The following ARL13A variants were observed in gnomAD, a reference collection of about 807,000 sequenced individuals.
ARL13A encodes the protein ARF like GTPase 13A, also known as ADP-ribosylation factor-like protein 13A.
ARL13A carries 16 observed loss-of-function variants against 19.1 expected under a neutral mutation model. The ratio of observed to expected loss-of-function variants is 0.84; its 90% CI spans 0.57 to 1.27. ARL13A has a LOEUF of 1.27. ARL13A is among the 50% of genes most tolerant of loss of function. ARL13A has a pLI of 0.00. For synonymous variants in ARL13A, 69 were observed against 71.3 expected (o/e 0.97, Z 0.17); for missense variants, 153 against 186.4 (o/e 0.82, Z 1.04).
rs756535572 is a variant in ARL13A, at chrX:100,986,852, A to G, written c.437A>G (p.Tyr146Cys). The change falls in exon 5 of 8, where the codon TAT becomes TGT. Residue 146 changes from tyrosine to cysteine, a missense_variant. By Grantham distance (194) the Tyr-to-Cys change is radical. Transcript: ENST00000450049. ...CTCATGCCTTGTGATATTATTGACT[A>G]TCTACTTCTAAAGAAGCTAGTGAAA... ...KALMPCDIID[Y>C]LLLKKLVKEN... is the part of the protein sequence containing the mutation. The G allele has an allele frequency of 1.7e-6, 2 of 1,206,438 alleles. No homozygotes were observed. The highest frequency in any genetic ancestry group is 2.2e-6 in the Non-Finnish European group (2 of 892,645).
At chrX:100,978,504 G>A (rs191422481) in intron 3 of ARL13A, among the ~76,000 whole-genome samples, 1 of 111,290 alleles carries the variant, frequency 9.0e-6, no homozygotes, top group East Asian at 2.8e-4. Flanking sequence ...TGTTTTGTCT[G>A]AAGTATAGCT....
chrX:100,982,405 T>C (rs1172470415), intron 3 of ARL13A, among the ~76,000 whole-genome samples: 2 of 109,999 alleles, frequency 1.8e-5, no homozygotes, highest in African/African-American at 6.6e-5. Context: ...GGTAGGAGAA[T>C]TGCTTGAACT....
chrX:100,979,745 A>C (rs1219596422), intron 3 of ARL13A, among the ~76,000 whole-genome samples: 1 of 111,110 alleles, frequency 9.0e-6, no homozygotes, highest in African/African-American at 3.3e-5. Context: ...CTTGAGAAGG[A>C]CTCAAAGGGA....
At chrX:100,970,907 T>C (rs957827225) in intron 1 of ARL13A, among the ~76,000 whole-genome samples, 9 of 112,342 alleles carry the variant, frequency 8.0e-5, no homozygotes, top group African/African-American at 2.9e-4. Context: ...CAAAACAGTC[T>C]GGCAGTTCTT....
chrX:100,972,480 AG>A (rs1163501780), intron 1 of ARL13A, among the ~76,000 whole-genome samples: 2 of 72,113 alleles, frequency 2.8e-5, no homozygotes, highest in Non-Finnish European at 5.5e-5. Flanking sequence ...CTGGCCGGGC[AG>A]GGGGGCTGAC....
At position 100,985,884 on chromosome X, in the gene ARL13A, C is replaced by T. The variant is rs1243617610; in HGVS notation, c.348C>T (p.Ser116=). The stretch of plus-strand genomic sequence containing the variant: ...AGATCATCTTAACACATCTGCTGTC[C>T]GATAAAAGAGTGGCAGGGAAACCCA... ...EVKIILTHLL[S]DKRVAGKPIL... The change falls in exon 4 of 8, where the codon TCC becomes TCT. Residue 116 remains serine (S), a synonymous_variant. Transcript: ENST00000450049. 9.9e-6 allele frequency: 12 copies of T among 1,207,981 alleles called. No individual in the cohort carries two copies. Among genetic ancestry groups the T allele is most frequent in the East Asian group, 3.0e-5 (1 of 33,789 alleles).
chrX:100,989,567 G>A (rs1221048517), intron 7 of ARL13A, among the ~76,000 whole-genome samples: 11 of 104,137 alleles, frequency 1.1e-4, no homozygotes, highest in Non-Finnish European at 2.1e-4. Context: ...CCGAGATAGC[G>A]CCACTGCACT....
chrX:100,981,816 G>GA (rs933696770), intron 3 of ARL13A, among the ~76,000 whole-genome samples: 1 of 105,143 alleles, frequency 9.5e-6, no homozygotes, highest in Non-Finnish European at 1.9e-5. Context: ...CTCAAAAAAA[G>GA]AAAAAAATAC....
chrX:100,978,524 C>T (rs1421789099), intron 3 of ARL13A, among the ~76,000 whole-genome samples: 1 of 110,904 alleles, frequency 9.0e-6, no homozygotes, highest in African/African-American at 3.3e-5. Flanking sequence ...TACTCCCGCT[C>T]TTTTGGGTTT....
intron 1 of ARL13A, among the ~76,000 whole-genome samples, chrX:100,971,624 A>C (rs2085650203): frequency 2.4e-5 from 2 of 84,675 alleles, no homozygotes; most frequent in South Asian, 1.1e-3. Flanking sequence ...TTTAATAACC[A>C]CTTTTACACT....
intron 3 of ARL13A, among the ~76,000 whole-genome samples, chrX:100,984,137 G>C (rs1192130242): frequency 1.9e-5 from 2 of 105,432 alleles, no homozygotes; most frequent in Non-Finnish European, 3.9e-5. Flanking sequence ...TTTTGAGATG[G>C]AGTTTCACTC....
In ARL13A at chrX:100,979,343, TTGTC is replaced by T. The variant is rs778969561; in HGVS notation, c.130+5149_130+5152del. Among the ~76,000 whole-genome samples, 331 of 112,185 alleles carry T rather than the reference TTGTC, an allele frequency of 3.0e-3. 3 individuals are homozygous for T. Among genetic ancestry groups the T allele is most frequent in the African/African-American group, 9.7e-3 (300 of 30,936 alleles). On this transcript the variant is annotated intron_variant, in intron 3 of 7. Coordinates refer to ENST00000450049, the MANE Select transcript of ARL13A (RefSeq NM_001162491.2). ...TTGACAAAAATCCCTCAGCTTTTGT[TTGTC>T]TGGGAAATACTTTATTTCTCTTTCA...
At chrX:100,986,689 T>G in intron 4 of ARL13A, 107 bp from the exon 5 acceptor site, 1 of 474,700 alleles carries the variant, frequency 2.1e-6, no homozygotes, top group Non-Finnish European at 3.6e-6. Context: ...ATGTAGCAGT[T>G]ATAGTAGAAT....
chrX:100,990,458 T>C, intron 7 of ARL13A, 104 bp from the exon 8 acceptor site: 1 of 987,842 alleles, frequency 1.0e-6, no homozygotes, highest in Non-Finnish European at 1.3e-6. Flanking sequence ...TACCCGGTTT[T>C]TAAATTTCCA....
intron 7 of ARL13A, among the ~76,000 whole-genome samples, chrX:100,989,349 C>T (rs1458331090): frequency 9.0e-6 from 1 of 111,270 alleles, no homozygotes; most frequent in African/African-American, 3.3e-5. Context: ...TAGTGGCTCA[C>T]ACCTGTAATC....
At chrX:100,976,364 A>T (rs1375065088) in intron 3 of ARL13A, among the ~76,000 whole-genome samples, 3 of 110,846 alleles carry the variant, frequency 2.7e-5, no homozygotes, top group African/African-American at 6.6e-5. Flanking sequence ...CCTAGAGTCT[A>T]TTTATTTTGT....
chrX:100,982,481 A>G (rs2147970818), intron 3 of ARL13A, among the ~76,000 whole-genome samples: 1 of 104,742 alleles, frequency 9.5e-6, no homozygotes, highest in South Asian at 4.3e-4. Context: ...AAATAAATAA[A>G]TAAATAAATA....
chrX:100,973,619 G>C, intron 1 of ARL13A, 57 bp from the exon 2 acceptor site: 2 of 1,098,414 alleles, frequency 1.8e-6, no homozygotes, highest in Middle Eastern at 3.4e-4. Context: ...CTGACTAAAG[G>C]CTCAGTGTTT....
At position 100,985,717 on chromosome X, in the gene ARL13A, T is replaced by C. The variant is rs757788955; in HGVS notation, c.181T>C (p.Leu61=). 2 of 1,208,964 alleles carry C rather than the reference T, an allele frequency of 1.7e-6. No homozygotes were observed. The highest frequency in any genetic ancestry group is 1.8e-5 in the South Asian group (1 of 56,701). Residue 61 remains leucine (L), a synonymous_variant, in exon 4 of 8, where the codon TTG becomes CTG. Coordinates refer to ENST00000450049, the MANE Select transcript of ARL13A (RefSeq NM_001162491.2). ...CATGAAATCGGAACTGACTACACTT[T>C]TGTTAGATGAGTATGAACTTTCCAT... is the stretch of plus-strand genomic sequence containing the variant. ...HCMKSELTTL[L]LDEYELSIYD...
Sources: allele counts gnomAD v4.1 joint callset (sites outside exome capture counted in the v4.1 genomes callset), GRCh38; gene constraint gnomAD v4.1.1; transcripts MANE v1.5; gene names NCBI Gene and HGNC (gene_info 2026-07-23, HGNC 2026-07-21).